LIMK2: variants seen among roughly 807,000 people sequenced by gnomAD.
The protein encoded by LIMK2 is LIM domain kinase 2.
Under a neutral mutation model 75.7 loss-of-function variants are expected in LIMK2, and 35 were observed. That is an observed-to-expected ratio of 0.46 (90% CI 0.35 to 0.61). LIMK2 has a LOEUF of 0.61. Among genes scored for constraint, LIMK2 ranks in the 20% least tolerant of loss-of-function variants. The pLI is 0.00. For synonymous variants in LIMK2, 301 were observed against 319.2 expected (o/e 0.94, Z 0.61); for missense variants, 623 against 831.0 (o/e 0.75, Z 3.08).
intron 5 of LIMK2, among the ~76,000 whole-genome samples, chr22:31,261,642 C>T (rs1341488095): frequency 6.6e-6 from 1 of 151,956 alleles, no homozygotes; most frequent in Non-Finnish European, 1.5e-5. Context: ...GTGGTGCGCG[C>T]CTGTAATCCC....
At position 31,272,673 on chromosome 22, in the gene LIMK2, C is replaced by T; in HGVS notation, c.1527C>T (p.Asn509=). The change falls in exon 13 of 16, where the codon AAC becomes AAT. Residue 509 remains asparagine, a synonymous_variant. Transcript: ENST00000331728. ...DRKKRYTVVG[N]PYWMAPEMLN... is the part of the protein sequence containing the mutation. ...AGAAGCGCTACACGGTGGTGGGAAA[C>T]CCCTACTGGATGGCCCCTGAGATGC... 2 of 1,612,344 alleles carry T rather than the reference C, an allele frequency of 1.2e-6. No homozygotes were observed. Among genetic ancestry groups the T allele is most frequent in the Non-Finnish European group, 8.5e-7 (1 of 1,179,276 alleles).
At chr22:31,275,849 G>A (rs1413351591) in intron 15 of LIMK2, among the ~76,000 whole-genome samples, 1 of 152,144 alleles carries the variant, frequency 6.6e-6, no homozygotes, top group East Asian at 1.9e-4. Context: ...TTTCTCCTTT[G>A]AGGAAGTATT....
intron 2 of LIMK2, among the ~76,000 whole-genome samples, chr22:31,257,080 C>T (rs1170869816): frequency 6.5e-5 from 5 of 76,600 alleles, no homozygotes; most frequent in South Asian, 5.1e-4. Flanking sequence ...TTTTTAGAGA[C>T]GGGGTCTTAC....
At chr22:31,246,185 A>G (rs780215893) in intron 2 of LIMK2, among the ~76,000 whole-genome samples, 30 of 76,518 alleles carry the variant, frequency 3.9e-4, no homozygotes, top group South Asian at 7.0e-4. Flanking sequence ...GCACGCACGC[A>G]CACACACACA....
At chr22:31,246,183 G>GCGCGCACACACACACACACACA (rs746599250) in intron 2 of LIMK2, among the ~76,000 whole-genome samples, 1 of 135,094 alleles carries the variant, frequency 7.4e-6, no homozygotes. Context: ...ACGCACGCAC[G>GCGCGCACACACACACACACACA]CACACACACA....
chr22:31,277,415 T>TA (rs2049041873), intron 15 of LIMK2: 27 of 965,128 alleles, frequency 2.8e-5, no homozygotes, highest in Admixed American at 1.7e-4. Flanking sequence ...TTGGTGCAGC[T>TA]CAAAAAAAAA....
rs376657641 is a variant in LIMK2, at chr22:31,261,503, G to A, written c.552-631G>A. 8.0e-5 allele frequency among the ~76,000 whole-genome samples: 12 copies of A among 149,472 alleles called. No homozygotes were observed. The South Asian group carries it at 1.5e-3, about 19-fold the overall frequency. On this transcript the variant is annotated intron_variant, in intron 5 of 15. Coordinates refer to ENST00000331728, the MANE Select transcript of LIMK2 (RefSeq NM_005569.4). Reference sequence around the variant, plus strand: ...GGAGCTTGCTGTGAGCAGAGATCACGCCACTGCACTCCAGCCTGAGCGACA... The same window carrying A: ...GGAGCTTGCTGTGAGCAGAGATCACACCACTGCACTCCAGCCTGAGCGACA...
chr22:31,240,572 C>CA (rs2048616211), intron 2 of LIMK2, among the ~76,000 whole-genome samples: 1 of 151,928 alleles, frequency 6.6e-6, no homozygotes, highest in African/African-American at 2.4e-5. Context: ...TACAGGCGCA[C>CA]ACCCCCACTC....
intron 2 of LIMK2, among the ~76,000 whole-genome samples, chr22:31,228,204 G>A (rs1267397477): frequency 6.6e-6 from 1 of 151,888 alleles, no homozygotes; most frequent in Non-Finnish European, 1.5e-5. Flanking sequence ...ATCACCTGAG[G>A]TCAGGAATTC....
In LIMK2 at chr22:31,213,631, G is replaced by T. The variant is rs573887332; in HGVS notation, c.16+1207G>T. The stretch of plus-strand genomic sequence containing the variant: ...TAAAACAAATTTTTTTAGGCTGGGC[G>T]TGGTGGCTCATGCCTGTAATCCCAG... On this transcript the variant is annotated intron_variant, in intron 1 of 15. Coordinates refer to ENST00000331728, the MANE Select transcript of LIMK2 (RefSeq NM_005569.4). Among the ~76,000 whole-genome samples, 6 of 152,234 alleles carry T rather than the reference G, an allele frequency of 3.9e-5. No individual in the cohort carries two copies. The South Asian group carries it at 1.0e-3, about 26-fold the overall frequency.
rs2048602969 is a variant in LIMK2 at position 31,239,021 on chromosome 22, T to C, written c.116+13202T>C. 2.0e-5 allele frequency among the ~76,000 whole-genome samples: 3 copies of C among 152,226 alleles called. No individual in the cohort carries two copies. In the South Asian group the frequency reaches 6.2e-4, roughly 31 times the overall value. ...TTATCTATAAGGGGTTGCAATTCCA[T>C]GCTTATGTGCTTACAGCCCATATAG... On this transcript the variant is annotated intron_variant, in intron 2 of 15. Transcript: ENST00000331728.
rs1349213589 is a variant in LIMK2 at position 31,259,093 on chromosome 22, G to A, written c.253-28G>A. On this transcript the variant is annotated intron_variant, in intron 3 of 15. Coordinates refer to ENST00000331728, the MANE Select transcript of LIMK2 (RefSeq NM_005569.4). The stretch of plus-strand genomic sequence containing the variant: ...GATAACTCACTTCCTTCCTCCCTTT[G>A]TACACCCTTCTCCCCACCTGCTCAC... 2.2e-6 allele frequency: 3 copies of A among 1,362,462 alleles called. No individual in the cohort carries two copies. The South Asian group carries it at 3.5e-5, about 16-fold the overall frequency. 84.4% of individuals were successfully genotyped at this position (1,362,462 alleles called of 1,614,324 possible). A position where few individuals can be genotyped will look rare whatever the true frequency, so the allele number is the denominator to read the frequency against.
intron 1 of LIMK2, among the ~76,000 whole-genome samples, chr22:31,214,087 G>T (rs371792361): frequency 6.6e-6 from 1 of 152,216 alleles, no homozygotes; most frequent in Admixed American, 6.5e-5. Flanking sequence ...AAAGTGCTGG[G>T]ATTACAGGCG....
intron 2 of LIMK2, among the ~76,000 whole-genome samples, chr22:31,255,566 C>G (rs964972382): frequency 6.6e-6 from 1 of 152,208 alleles, no homozygotes; most frequent in Non-Finnish European, 1.5e-5. Flanking sequence ...TGCTTCAACT[C>G]ATTCCTGCCC....
intron 2 of LIMK2, among the ~76,000 whole-genome samples, chr22:31,232,267 A>G (rs1287927488): frequency 6.6e-6 from 1 of 151,928 alleles, no homozygotes; most frequent in Non-Finnish European, 1.5e-5. Context: ...AAAAAAAAAA[A>G]AACAGTAGAC....
chr22:31,271,308 C>G (rs2048954422), intron 12 of LIMK2, 107 bp downstream of exon 12: 3 of 892,960 alleles, frequency 3.4e-6, no homozygotes. Context: ...AGAGGTGTTG[C>G]CTAGGAGCTC....
rs546325857 is a variant in LIMK2 at position 31,275,246 on chromosome 22, A to G, written c.1710A>G (p.Thr570=). Residue 570 remains threonine (T), a synonymous_variant, in exon 15 of 16, where the codon ACA becomes ACG. Transcript: ENST00000331728. ...VKLFWEKFVP[T]DCPPAFFPLA... ...TTTTCTGGGAGAAGTTTGTTCCCACAGATTGTCCCCCGGCCTTCTTCCCGC... is the reference window on the plus strand; with the variant it reads ...TTTTCTGGGAGAAGTTTGTTCCCACGGATTGTCCCCCGGCCTTCTTCCCGC... 7.4e-6 allele frequency: 12 copies of G among 1,614,236 alleles called. No individual in the cohort carries two copies. The South Asian group carries it at 1.3e-4, about 18-fold the overall frequency.
At chr22:31,248,483 A>G (rs776920829) in intron 2 of LIMK2, 35 of 1,520,228 alleles carry the variant, frequency 2.3e-5, no homozygotes, top group Non-Finnish European at 2.9e-5. Flanking sequence ...GCTTCTGAGA[A>G]CTAGGGAGGA....
intron 1 of LIMK2, among the ~76,000 whole-genome samples, chr22:31,213,953 C>G (rs1015989674): frequency 1.3e-5 from 2 of 151,864 alleles, no homozygotes; most frequent in African/African-American, 4.8e-5. Flanking sequence ...GTAGCTGGGA[C>G]AACAGGGGCC....
Sources: gnomAD v4.1 joint callset for allele counts (sites outside exome capture counted in the v4.1 genomes callset) on GRCh38, gnomAD v4.1.1 for gene constraint, MANE v1.5 for transcripts, NCBI Gene and HGNC (gene_info 2026-07-23, HGNC 2026-07-21) for gene names.